The following CCDC186 variants were observed in gnomAD, a reference collection of about 807,000 sequenced individuals.
The protein encoded by CCDC186 is coiled-coil domain-containing protein 186.
CCDC186 carries 49 observed loss-of-function variants against 113.7 expected under a neutral mutation model. That is an observed-to-expected ratio of 0.43 (90% CI 0.34 to 0.55). CCDC186 has a LOEUF of 0.55. Ranked by LOEUF, CCDC186 falls within the 20% of genes least tolerant of loss-of-function variation. The pLI is 0.02. For synonymous variants in CCDC186, 355 were observed against 345.8 expected, an observed-to-expected ratio of 1.03 and a Z score of -0.30; for missense variants, 890 against 1,011.1, an observed-to-expected ratio of 0.88 and a Z score of 1.62.
intron 2 of CCDC186, chr10:114,161,577 T>C (rs999206967): frequency 6.6e-6 from 1 of 152,114 alleles, no homozygotes; most frequent in Admixed American, 6.6e-5. Context: ...AGTTACCCTA[T>C]AAAATGCAAG....
rs1205970123 is a variant in CCDC186, at chr10:114,121,011, T to TAG, written c.*4131_*4132insCT. 3.9e-5 allele frequency: 6 copies of TAG among 152,162 alleles called. No homozygotes were observed. The highest frequency in any genetic ancestry group is 1.4e-4 in the African/African-American group (6 of 41,462). 9.4% of individuals were successfully genotyped at this position (152,162 alleles called of 1,614,324 possible). A position where few individuals can be genotyped will look rare whatever the true frequency, so the allele number is the denominator to read the frequency against. On this transcript the variant is annotated 3_prime_UTR_variant, in exon 16 of 16. Transcript: ENST00000369287. ...ATACACACACACACACATATATATA[T>TAG]GTCCTCTGGAAGATAAACAAGTTTC...
chr10:114,148,619 T>C (rs547192240), intron 4 of CCDC186, among the ~76,000 whole-genome samples: 1 of 152,352 alleles, frequency 6.6e-6, no homozygotes, highest in South Asian at 2.1e-4. Flanking sequence ...CATCTTTTAA[T>C]ATATAGTTGA....
chr10:114,172,932 T>C (rs2032550952), intron 1 of CCDC186, among the ~76,000 whole-genome samples: 1 of 152,216 alleles, frequency 6.6e-6, no homozygotes, highest in Admixed American at 6.5e-5. Flanking sequence ...TATTAAGGTG[T>C]ACTTGATAGT....
chr10:114,130,152 C>A (rs1438696437), intron 12 of CCDC186, 181 bp from the exon 13 acceptor site: 2 of 472,710 alleles, frequency 4.2e-6, no homozygotes, highest in Admixed American at 8.0e-5. Context: ...ATGTAAAAGT[C>A]AAGTACAAAA....
chr10:114,149,609 GAAGGGAAGGGAAGGA>G (rs1564912716), intron 4 of CCDC186, among the ~76,000 whole-genome samples: 282 of 37,676 alleles, frequency 7.5e-3, no homozygotes, highest in African/African-American at 0.012. Context: ...GAAGGGAAGG[GAAGGGAAGGGAAGGA>G]AAGGGAGGGG....
chr10:114,160,072 C>G (rs937963310), intron 2 of CCDC186, among the ~76,000 whole-genome samples: 3 of 152,074 alleles, frequency 2.0e-5, no homozygotes, highest in South Asian at 2.1e-4. Context: ...GAGTTCAAGA[C>G]CAGCCTGGCC....
At chr10:114,135,610 G>A (rs746366324) in intron 9 of CCDC186, among the ~76,000 whole-genome samples, 1 of 152,130 alleles carries the variant, frequency 6.6e-6, no homozygotes, top group Non-Finnish European at 1.5e-5. Context: ...ATTCGTTGAT[G>A]AGACTGCCTT....
At chr10:114,144,112 G>A (rs966446474) in intron 6 of CCDC186, among the ~76,000 whole-genome samples, 1 of 151,664 alleles carries the variant, frequency 6.6e-6, no homozygotes, top group Non-Finnish European at 1.5e-5. Context: ...AAAATTTCTA[G>A]AGTTTACATT....
Position 114,163,347 on chromosome 10 carries a change from CA to C in CCDC186, c.-61-19del. ...TTTTACATCTAAGAAATTGAAACAT[CA>C]AAATTAAAAACCACTTTAAACCAAA... On this transcript the variant is annotated intron_variant, in intron 1 of 15. Transcript: ENST00000369287. 6.6e-7 allele frequency: 1 copy of C among 1,517,672 alleles called. No homozygotes were observed. Among genetic ancestry groups the C allele is most frequent in the Non-Finnish European group, 8.8e-7 (1 of 1,142,680 alleles). 94.0% of individuals were successfully genotyped at this position (1,517,672 alleles called of 1,614,324 possible).
intron 14 of CCDC186, among the ~76,000 whole-genome samples, chr10:114,126,451 G>A (rs910732809): frequency 2.0e-5 from 3 of 152,102 alleles, no homozygotes; most frequent in Admixed American, 6.5e-5. Context: ...CCACTGCATC[G>A]GCTCAAGCGA....
chr10:114,151,845 G>A (rs2031866918), intron 3 of CCDC186, among the ~76,000 whole-genome samples: 1 of 152,150 alleles, frequency 6.6e-6, no homozygotes, highest in Admixed American at 6.5e-5. Flanking sequence ...ATTCACATGT[G>A]CCAAAGAGAG....
At chr10:114,131,616 G>A (rs1395878811) in intron 11 of CCDC186, among the ~76,000 whole-genome samples, 1 of 152,090 alleles carries the variant, frequency 6.6e-6, no homozygotes, top group Non-Finnish European at 1.5e-5. Flanking sequence ...GTAACTTGAA[G>A]ACACTCTCAT....
rs575024311 is a variant in CCDC186, at chr10:114,147,306, A to C, written c.889-1545T>G. Among the ~76,000 whole-genome samples, 5 of 152,362 alleles carry C rather than the reference A, an allele frequency of 3.3e-5. No homozygotes were observed. The South Asian group carries it at 1.0e-3, about 32-fold the overall frequency. ...ATAAACAAACATTATAATATGAAAA[A>C]TTATAGTAAATGAATGTACAAAGTC... On this transcript the variant is annotated intron_variant, in intron 4 of 15. Transcript: ENST00000369287.
chr10:114,149,089 T>C (rs1216640823), intron 4 of CCDC186, among the ~76,000 whole-genome samples: 1 of 152,230 alleles, frequency 6.6e-6, no homozygotes, highest in African/African-American at 2.4e-5. Context: ...GAGACAGATC[T>C]ATTAATAATT....
chr10:114,131,856 A>G, intron 11 of CCDC186, 73 bp downstream of exon 11: 2 of 1,311,206 alleles, frequency 1.5e-6, no homozygotes, highest in Non-Finnish European at 2.0e-6. Flanking sequence ...AACTACTATT[A>G]CTTTTATACT....
intron 1 of CCDC186, chr10:114,173,353 T>C (rs2032574847): frequency 3.1e-6 from 1 of 320,746 alleles, no homozygotes; most frequent in South Asian, 2.4e-5. Context: ...TTTCCCAAGA[T>C]TGCTACTTAG....
chr10:114,123,751 A>G lies in CCDC186; in HGVS notation c.*1392T>C, dbSNP rs2030801206. ...ATACTACGGCAACACTTAAGTGTCT[A>G]TCTTAAACACTGTAAAAAATCCAAC... is the stretch of plus-strand genomic sequence containing the variant. On this transcript the variant is annotated 3_prime_UTR_variant, in exon 16 of 16. Coordinates refer to ENST00000369287, the MANE Select transcript of CCDC186 (RefSeq NM_018017.4). The G allele has an allele frequency of 6.6e-6, 1 of 152,238 alleles. No individual in the cohort carries two copies. Among genetic ancestry groups the G allele is most frequent in the African/African-American group, 2.4e-5 (1 of 41,466 alleles). The allele number at this position is 152,238 out of a possible 1,614,324, so 9.4% of individuals were successfully genotyped here. A position where few individuals can be genotyped will look rare whatever the true frequency, so the allele number is the denominator to read the frequency against.
intron 6 of CCDC186, among the ~76,000 whole-genome samples, chr10:114,142,051 A>G (rs2031486119): frequency 1.3e-5 from 2 of 152,232 alleles, no homozygotes; most frequent in African/African-American, 2.4e-5. Context: ...CATAGAATAT[A>G]GTTTTATTAA....
chr10:114,159,905 T>C (rs1203382747), intron 2 of CCDC186, among the ~76,000 whole-genome samples: 1 of 152,024 alleles, frequency 6.6e-6, no homozygotes, highest in African/African-American at 2.4e-5. Flanking sequence ...GACGCTGCAG[T>C]GAGCTGAGAT....
Sources: gnomAD v4.1 joint callset for allele counts (sites outside exome capture counted in the v4.1 genomes callset) on GRCh38, gnomAD v4.1.1 for gene constraint, MANE v1.5 for transcripts, NCBI Gene and HGNC (gene_info 2026-07-23, HGNC 2026-07-21) for gene names.